Variants in EYS observed in about 807,000 individuals in gnomAD.
EYS encodes the protein EGF-like photoreceptor maintenance factor.
A neutral mutation model predicts 282.1 loss-of-function variants in EYS; 250 were observed. The observed-to-expected ratio is 0.89, with a 90% CI of 0.80 to 0.98. The LOEUF (loss-of-function observed/expected upper bound fraction) is 0.98, where lower values mean the gene tolerates loss of function less well. EYS is among the 50% of genes least tolerant of loss of function. The pLI is 0.00. For missense variants in EYS, 4,016 were observed against 3,709.0 expected (o/e 1.08, Z -2.15); for synonymous variants, 1,355 against 1,282.9 (o/e 1.06, Z -1.20).
Position 64,331,494 on chromosome 6 carries a change from T to TAACTACTCCTCTAATGAAAAGG in EYS, c.6079-24434_6079-24413dup, listed in dbSNP as rs1276293472. 5.3e-5 allele frequency among the ~76,000 whole-genome samples: 8 copies of TAACTACTCCTCTAATGAAAAGG among 152,114 alleles called. No homozygotes were observed. In the East Asian group the frequency reaches 1.6e-3, roughly 30 times the overall value. On this transcript the variant is annotated intron_variant, in intron 29 of 42. Transcript: ENST00000503581. Reference sequence around the variant, plus strand: ...TGGAGCTTCCCCTAACAGAACCCACTAACTACTCCTCTAATGAAAAGGCAT... The same window carrying TAACTACTCCTCTAATGAAAAGG: ...TGGAGCTTCCCCTAACAGAACCCACTAACTACTCCTCTAATGAAAAGGAACTACTCCTCTAATGAAAAGGCAT...
chr6:65,013,183 T>C (rs543802236), intron 13 of EYS, among the ~76,000 whole-genome samples: 1 of 152,308 alleles, frequency 6.6e-6, no homozygotes, highest in East Asian at 1.9e-4. Flanking sequence ...GTTTTGCTAG[T>C]GGGAAGTTAA....
chr6:64,499,840 T>C (rs964138044), intron 26 of EYS, among the ~76,000 whole-genome samples: 1 of 152,144 alleles, frequency 6.6e-6, no homozygotes, highest in Admixed American at 6.5e-5. Flanking sequence ...AATGTGCTAT[T>C]TCTTATAGTT....
intron 12 of EYS, among the ~76,000 whole-genome samples, chr6:65,107,599 T>A (rs1219949840): frequency 2.6e-5 from 4 of 151,758 alleles, no homozygotes; most frequent in Non-Finnish European, 4.4e-5. Context: ...ATTCCATAGC[T>A]CCAGAGGCTG....
chr6:65,455,866 A>G (rs1031403916), intron 5 of EYS, among the ~76,000 whole-genome samples: 7 of 152,050 alleles, frequency 4.6e-5, no homozygotes, highest in African/African-American at 1.7e-4. Flanking sequence ...ATTCCAAATA[A>G]TTGAACAGAA....
At position 64,306,940 on chromosome 6, in the gene EYS, T is replaced by C. The variant is rs1397309713; in HGVS notation, c.6191+30A>G. The C allele has an allele frequency of 3.0e-6, 3 of 1,015,634 alleles. No individual in the cohort carries two copies. The East Asian group carries it at 7.8e-5, about 27-fold the overall frequency. The allele number at this position is 1,015,634 out of a possible 1,614,324, so 62.9% of individuals were successfully genotyped here. A position where few individuals can be genotyped will look rare whatever the true frequency, so the allele number is the denominator to read the frequency against. On this transcript the variant is annotated intron_variant, in intron 30 of 42. Transcript: ENST00000503581. ...CTTTTGGTGTGGTTATTTGAACAAG[T>C]TATTAGAAAAATCACTACTGCTATT...
chr6:63,806,194 G>A lies in EYS; in HGVS notation c.7407C>T (p.Gly2469=), dbSNP rs780311041. The change falls in exon 37 of 43, where the codon GGC becomes GGT. Residue 2469 remains glycine, a synonymous_variant. Coordinates refer to ENST00000503581, the MANE Select transcript of EYS (RefSeq NM_001142800.2). ...AGAGGGTTCAGTTAATCTTACCATG[G>A]CCTTTCTGTCCAGTAAAAAATATCA... ...NNLIFFTGQK[G]HGLNGDDFLA... 6.4e-7 allele frequency: 1 copy of A among 1,551,044 alleles called. No individual in the cohort carries two copies. Among genetic ancestry groups the A allele is most frequent in the South Asian group, 1.2e-5 (1 of 84,010 alleles).
In EYS at chr6:65,005,284, G is replaced by A. The variant is rs372034579; in HGVS notation, c.2138-7581C>T. Among the ~76,000 whole-genome samples the A allele has an allele frequency of 2.5e-4, 37 of 147,892 alleles. 3 individuals are homozygous for A. The highest frequency in any genetic ancestry group is 6.8e-3 in the Middle Eastern group (2 of 292). On this transcript the variant is annotated intron_variant, in intron 13 of 42. Coordinates refer to ENST00000503581, the MANE Select transcript of EYS (RefSeq NM_001142800.2). Reference sequence around the variant, plus strand: ...CTAAGTGCCTGCGTTCATCCTAATCGAGCTGAACGCTAGTCACTGGGTTCC... The same window carrying A: ...CTAAGTGCCTGCGTTCATCCTAATCAAGCTGAACGCTAGTCACTGGGTTCC...
intron 30 of EYS, among the ~76,000 whole-genome samples, chr6:64,249,527 T>C (rs761728107): frequency 1.5e-4 from 23 of 152,164 alleles, no homozygotes; most frequent in Non-Finnish European, 2.4e-4. Context: ...TCCATACATT[T>C]ATAATAATAA....
At chr6:64,661,294 A>G (rs1037962161) in intron 22 of EYS, among the ~76,000 whole-genome samples, 3 of 152,172 alleles carry the variant, frequency 2.0e-5, no homozygotes, top group Non-Finnish European at 4.4e-5. Context: ...CTAGAAGAAA[A>G]CCTAGGCAAT....
chr6:64,494,795 G>T (rs1378072161), intron 26 of EYS, among the ~76,000 whole-genome samples: 1 of 151,638 alleles, frequency 6.6e-6, no homozygotes, highest in Non-Finnish European at 1.5e-5. Context: ...TCCAGTCTAT[G>T]AAATACAGTT....
intron 26 of EYS, among the ~76,000 whole-genome samples, chr6:64,544,976 T>C (rs1393665284): frequency 1.3e-5 from 2 of 152,284 alleles, no homozygotes; most frequent in East Asian, 3.9e-4. Flanking sequence ...TCTGAAACTA[T>C]TCCAATCAAT....
At chr6:64,270,215 G>T (rs1394222685) in intron 30 of EYS, among the ~76,000 whole-genome samples, 5 of 152,054 alleles carry the variant, frequency 3.3e-5, no homozygotes, top group Non-Finnish European at 7.4e-5. Context: ...GTTCACTGCA[G>T]CAAAGTATCT....
chr6:65,123,635 A>G (rs1456076598), intron 12 of EYS, among the ~76,000 whole-genome samples: 1 of 152,044 alleles, frequency 6.6e-6, no homozygotes. Context: ...TGGCTAATAT[A>G]TGTTTATTAC....
At chr6:64,423,553 G>A (rs918707307) in intron 28 of EYS, among the ~76,000 whole-genome samples, 3 of 152,132 alleles carry the variant, frequency 2.0e-5, no homozygotes, top group Non-Finnish European at 2.9e-5. Context: ...TCACAGGTAT[G>A]TTAAGAAACC....
At chr6:65,240,050 C>T (rs942193024) in intron 12 of EYS, among the ~76,000 whole-genome samples, 1 of 151,764 alleles carries the variant, frequency 6.6e-6, no homozygotes, top group Non-Finnish European at 1.5e-5. Context: ...CTCACTGCAA[C>T]CTCTGCCTCC....
intron 26 of EYS, among the ~76,000 whole-genome samples, chr6:64,465,512 T>C (rs1181321646): frequency 6.6e-6 from 1 of 152,126 alleles, no homozygotes. Context: ...AATGATATCT[T>C]TTATAAATGG....
chr6:65,270,967 A>G (rs1288708252), intron 12 of EYS, among the ~76,000 whole-genome samples: 1 of 151,390 alleles, frequency 6.6e-6, no homozygotes, highest in Non-Finnish European at 1.5e-5. Flanking sequence ...AAGTCTCTTC[A>G]CAAGAGTCTT....
At chr6:64,319,640 CATGTGTGTGTGT>C (rs1770128375) in intron 29 of EYS, among the ~76,000 whole-genome samples, 1 of 151,174 alleles carries the variant, frequency 6.6e-6, no homozygotes, top group African/African-American at 2.4e-5. Flanking sequence ...TATGTGTGTG[CATGTGTGTGTGT>C]ATGTGTGTGT....
intron 26 of EYS, among the ~76,000 whole-genome samples, chr6:64,540,361 C>T (rs572093871): frequency 4.6e-5 from 7 of 152,098 alleles, no homozygotes; most frequent in East Asian, 3.9e-4. Flanking sequence ...TGGTAACAGA[C>T]GCCTGTTCAG....
Sources: gnomAD v4.1 joint callset for allele counts (sites outside exome capture counted in the v4.1 genomes callset) on GRCh38, gnomAD v4.1.1 for gene constraint, MANE v1.5 for transcripts, NCBI Gene and HGNC (gene_info 2026-07-23, HGNC 2026-07-21) for gene names.